The following LRRFIP1 variants were observed in gnomAD, a reference collection of about 807,000 sequenced individuals.
The protein encoded by LRRFIP1 is leucine-rich repeat flightless-interacting protein 1.
A neutral mutation model predicts 104.4 loss-of-function variants in LRRFIP1; 62 were observed. That is an observed-to-expected ratio of 0.59 (90% CI 0.48 to 0.73). The LOEUF (loss-of-function observed/expected upper bound fraction) is 0.73. Among genes scored for constraint, LRRFIP1 ranks in the 30% least tolerant of loss-of-function variants. The pLI is 0.00. For synonymous variants in LRRFIP1, 300 were observed against 299.0 expected, an observed-to-expected ratio of 1.00 and a Z score of -0.03; for missense variants, 796 against 824.5, an observed-to-expected ratio of 0.97 and a Z score of 0.42.
intron 1 of LRRFIP1, among the ~76,000 whole-genome samples, chr2:237,686,069 T>C (rs539946010): frequency 6.6e-6 from 1 of 152,328 alleles, no homozygotes; most frequent in South Asian, 2.1e-4. Context: ...ACACCTCTTA[T>C]CCTTCCCATG....
intron 11 of LRRFIP1, among the ~76,000 whole-genome samples, chr2:237,741,575 C>T (rs1260406448): frequency 6.6e-6 from 1 of 152,170 alleles, no homozygotes; most frequent in Non-Finnish European, 1.5e-5. Flanking sequence ...CACCTGTAAT[C>T]CCAGCACTTT....
At chr2:237,674,591 C>G (rs936079003) in intron 1 of LRRFIP1, among the ~76,000 whole-genome samples, 1 of 152,204 alleles carries the variant, frequency 6.6e-6, no homozygotes, top group Non-Finnish European at 1.5e-5. Context: ...GCATTTGACA[C>G]CTTGAAAGGC....
intron 1 of LRRFIP1, among the ~76,000 whole-genome samples, chr2:237,674,138 G>A (rs901853859): frequency 6.6e-6 from 1 of 152,182 alleles, no homozygotes; most frequent in African/African-American, 2.4e-5. Context: ...TCACATTTGA[G>A]GTGCCTTTGG....
intron 8 of LRRFIP1, among the ~76,000 whole-genome samples, chr2:237,730,813 G>C (rs2150320792): frequency 6.6e-6 from 1 of 152,312 alleles, no homozygotes; most frequent in East Asian, 1.9e-4. Flanking sequence ...AGCTACTCGG[G>C]GGGCTGAGGC....
intron 20 of LRRFIP1, among the ~76,000 whole-genome samples, chr2:237,770,962 C>G (rs558070616): frequency 1.3e-5 from 2 of 152,136 alleles, no homozygotes; most frequent in African/African-American, 2.4e-5. Context: ...TTGGAGAAAG[C>G]ACTAAATATG....
chr2:237,750,326 CTTTTTTTT>C (rs928510240), intron 13 of LRRFIP1, among the ~76,000 whole-genome samples: 2,826 of 60,882 alleles, frequency 0.046, 68 homozygotes, highest in South Asian at 0.13. Context: ...TTCTTTCTTT[CTTTTTTTT>C]TTTTTTTTTT....
intron 13 of LRRFIP1, among the ~76,000 whole-genome samples, chr2:237,749,737 G>A (rs940999395): frequency 6.6e-6 from 1 of 152,122 alleles, no homozygotes; most frequent in Non-Finnish European, 1.5e-5. Context: ...GTTCCCCTTC[G>A]GCCTAGAACT....
At chr2:237,767,167 C>T (rs2060296503) in intron 19 of LRRFIP1, among the ~76,000 whole-genome samples, 1 of 151,878 alleles carries the variant, frequency 6.6e-6, no homozygotes, top group African/African-American at 2.4e-5. Context: ...TGGAGTGAAA[C>T]CCTGTCTCAA....
At chr2:237,756,217 C>A in intron 16 of LRRFIP1, 30 bp downstream of exon 16, 1 of 1,555,874 alleles carries the variant, frequency 6.4e-7, no homozygotes, top group Non-Finnish European at 8.8e-7. Context: ...TTTTCTTTTC[C>A]TTTTTTCCCT....
At chr2:237,632,871 A>G (rs2082591264) in intron 1 of LRRFIP1, among the ~76,000 whole-genome samples, 1 of 152,208 alleles carries the variant, frequency 6.6e-6, no homozygotes, top group South Asian at 2.1e-4. Context: ...TGGGGCCAGA[A>G]TTCACCTGCA....
At position 237,638,752 on chromosome 2, in the gene LRRFIP1, C is replaced by A. The variant is rs116782355; in HGVS notation, c.96+11012C>A. On this transcript the variant is annotated intron_variant, in intron 1 of 23. Coordinates refer to ENST00000308482, the MANE Select transcript of LRRFIP1 (RefSeq NM_001137550.2). ...GGAAGTCTTGGGGCTGCCGTGTCGA[C>A]CAGTGTAGCTCCAGAGCAATTCCCT... Among the ~76,000 whole-genome samples the A allele has an allele frequency of 7.3e-3, 1,107 of 152,310 alleles. 10 individuals carry two copies. The highest frequency in any genetic ancestry group is 0.025 in the African/African-American group (1,024 of 41,558).
intron 1 of LRRFIP1, among the ~76,000 whole-genome samples, chr2:237,682,917 T>TCCA (rs567859228): frequency 3.8e-4 from 58 of 152,342 alleles, no homozygotes; most frequent in South Asian, 2.3e-3. Context: ...TGAATGTGCT[T>TCCA]CCACAGTGTG....
Position 237,691,423 on chromosome 2 carries a change from G to C in LRRFIP1, c.97-17121G>C. Among the ~76,000 whole-genome samples, 1 of 152,204 alleles carries C rather than the reference G, an allele frequency of 6.6e-6. No individual in the cohort carries two copies. Among genetic ancestry groups the C allele is most frequent in the East Asian group, 1.9e-4 (1 of 5,190 alleles). ...GTGGACCCCGGGTTCTGCGACGCCA[G>C]ATCGGCCCCAGCGGCCCGCACCCGC... On this transcript the variant is annotated intron_variant, in intron 1 of 23. Coordinates refer to ENST00000308482, the MANE Select transcript of LRRFIP1 (RefSeq NM_001137550.2). The surrounding 1 kb of genome is among the most constrained non-coding windows in gnomAD (Gnocchi z 5.4).
At chr2:237,657,397 C>G (rs914807133) in intron 1 of LRRFIP1, among the ~76,000 whole-genome samples, 1 of 152,048 alleles carries the variant, frequency 6.6e-6, no homozygotes, top group Non-Finnish European at 1.5e-5. Flanking sequence ...CCACCATGCC[C>G]CAGAAAACAT....
chr2:237,772,963 C>T lies in LRRFIP1; in HGVS notation c.1707+18C>T, dbSNP rs374214676. 7.2e-5 allele frequency: 115 copies of T among 1,588,206 alleles called. No individual in the cohort carries two copies. The highest frequency in any genetic ancestry group is 9.4e-5 in the Non-Finnish European group (109 of 1,156,964). ...AACAAAATGTACGTGTAAGCAACAA[C>T]GGGCAGAACTGATGATTGACTGGAG... On this transcript the variant is annotated intron_variant, in intron 22 of 23. Transcript: ENST00000308482.
At chr2:237,722,680 C>A (rs2094575037) in intron 6 of LRRFIP1, among the ~76,000 whole-genome samples, 1 of 152,284 alleles carries the variant, frequency 6.6e-6, no homozygotes, top group South Asian at 2.1e-4. Context: ...GAAATATATT[C>A]CTCAGAACTT....
chr2:237,634,958 G>A (rs2082882197), intron 1 of LRRFIP1, among the ~76,000 whole-genome samples: 1 of 152,174 alleles, frequency 6.6e-6, no homozygotes, highest in Non-Finnish European at 1.5e-5. Context: ...GATCCAGTCT[G>A]GTCTGGATGT....
intron 16 of LRRFIP1, 96 bp from the exon 17 acceptor site, chr2:237,757,360 C>T: frequency 1.4e-6 from 1 of 728,458 alleles, no homozygotes; most frequent in South Asian, 1.7e-5. Context: ...GTGCTTGCGG[C>T]CTCACTCACT....
intron 1 of LRRFIP1, 53 bp from the exon 2 acceptor site, chr2:237,708,491 C>T: frequency 7.3e-7 from 1 of 1,377,800 alleles, no homozygotes; most frequent in Non-Finnish European, 9.9e-7. Flanking sequence ...TGACCCTGTA[C>T]TGGGAAGGTG....
Sources: allele counts gnomAD v4.1 joint callset (sites outside exome capture counted in the v4.1 genomes callset), GRCh38; gene constraint gnomAD v4.1.1; non-coding constraint Gnocchi (gnomAD v3.1); transcripts MANE v1.5; gene names NCBI Gene and HGNC (gene_info 2026-07-23, HGNC 2026-07-21).